Variants in PTPRM observed in about 807,000 individuals in gnomAD.
The protein encoded by PTPRM is receptor-type tyrosine-protein phosphatase mu.
In PTPRM, 47 loss-of-function variants were observed where a neutral mutation model predicts 186.7. The ratio of observed to expected loss-of-function variants is 0.25; its 90% CI spans 0.20 to 0.32. The LOEUF (loss-of-function observed/expected upper bound fraction) is 0.32. Among genes scored for constraint, PTPRM ranks in the 10% least tolerant of loss-of-function variants. The probability of loss-of-function intolerance (pLI) is 1.00; values close to 1 mark genes in which losing one functional copy is unlikely to be tolerated. For missense variants in PTPRM, 1,494 were observed against 1,865.0 expected (o/e 0.80, Z 3.66); for synonymous variants, 668 against 674.9 (o/e 0.99, Z 0.16).
At chr18:7,799,308 C>T (rs1398221470) in intron 2 of PTPRM, among the ~76,000 whole-genome samples, 1 of 152,154 alleles carries the variant, frequency 6.6e-6, no homozygotes. Context: ...ACAGAGCTTT[C>T]AGGGCCCAAT....
At chr18:7,828,820 T>G (rs79751466) in intron 2 of PTPRM, among the ~76,000 whole-genome samples, 1,780 of 152,272 alleles carry the variant, frequency 0.012, 29 homozygotes, top group African/African-American at 0.04. Flanking sequence ...TGCATATATT[T>G]AGTGTTCTTG....
chr18:7,772,361 T>TTCTTTCTTTCTTTC (rs1568108219), intron 1 of PTPRM, among the ~76,000 whole-genome samples: 15 of 49,020 alleles, frequency 3.1e-4, no homozygotes, highest in African/African-American at 8.2e-4. Context: ...CTTTCTTTCT[T>TTCTTTCTTTCTTTC]TCTTTCTTTC....
chr18:7,627,580 C>T (rs1020363575), intron 1 of PTPRM, among the ~76,000 whole-genome samples: 3 of 152,072 alleles, frequency 2.0e-5, no homozygotes, highest in Non-Finnish European at 4.4e-5. Context: ...CAGTAACCTG[C>T]GGTGAGGCTC....
At chr18:7,949,970 C>A (rs920980256) in intron 6 of PTPRM, among the ~76,000 whole-genome samples, 1 of 151,966 alleles carries the variant, frequency 6.6e-6, no homozygotes, top group Non-Finnish European at 1.5e-5. Context: ...TAGCATTAAG[C>A]CACCAAGACA....
intron 7 of PTPRM, among the ~76,000 whole-genome samples, chr18:8,007,068 C>A (rs2084232627): frequency 6.6e-6 from 1 of 152,172 alleles, no homozygotes; most frequent in Admixed American, 6.5e-5. Flanking sequence ...AGATAATTAT[C>A]CTTTGCATAG....
At chr18:7,669,099 C>G (rs2039160244) in intron 1 of PTPRM, among the ~76,000 whole-genome samples, 1 of 152,030 alleles carries the variant, frequency 6.6e-6, no homozygotes, top group Non-Finnish European at 1.5e-5. Flanking sequence ...GCTATGAATG[C>G]TCAATGACCA....
intron 13 of PTPRM, among the ~76,000 whole-genome samples, chr18:8,120,413 G>A (rs889006151): frequency 1.3e-5 from 2 of 151,272 alleles, no homozygotes; most frequent in African/African-American, 2.4e-5. Flanking sequence ...AGCTATTTTC[G>A]AGTAACTTTT....
At chr18:7,836,781 T>C (rs2145789972) in intron 2 of PTPRM, among the ~76,000 whole-genome samples, 1 of 152,352 alleles carries the variant, frequency 6.6e-6, no homozygotes, top group East Asian at 1.9e-4. Context: ...GATAAAAGTT[T>C]TTTTTCCTTC....
At chr18:7,596,651 T>C (rs2037269022) in intron 1 of PTPRM, among the ~76,000 whole-genome samples, 1 of 152,154 alleles carries the variant, frequency 6.6e-6, no homozygotes, top group African/African-American at 2.4e-5. Context: ...CTGTCTGCAG[T>C]GTCAGGGATC....
chr18:8,056,006 T>TA (rs1600291095), intron 7 of PTPRM, among the ~76,000 whole-genome samples: 2 of 152,224 alleles, frequency 1.3e-5, no homozygotes, highest in South Asian at 2.1e-4. Flanking sequence ...CCTACGCAAT[T>TA]AAAAAAATTG....
intron 2 of PTPRM, among the ~76,000 whole-genome samples, chr18:7,885,955 G>A (rs1037189426): frequency 6.6e-6 from 1 of 152,168 alleles, no homozygotes; most frequent in Admixed American, 6.5e-5. Flanking sequence ...CAGGATGTGG[G>A]CAACACTTAT....
intron 7 of PTPRM, among the ~76,000 whole-genome samples, chr18:8,050,651 G>A (rs911653046): frequency 6.6e-6 from 1 of 152,158 alleles, no homozygotes; most frequent in Non-Finnish European, 1.5e-5. Flanking sequence ...CGTATATCAA[G>A]TAGAAAGTGT....
chr18:7,719,701 A>T (rs2040410988), intron 1 of PTPRM, among the ~76,000 whole-genome samples: 1 of 152,200 alleles, frequency 6.6e-6, no homozygotes, highest in Non-Finnish European at 1.5e-5. Flanking sequence ...CAAGGCAAGG[A>T]TCCCACTGTG....
At chr18:8,233,382 C>T (rs2094309829) in intron 14 of PTPRM, among the ~76,000 whole-genome samples, 1 of 152,150 alleles carries the variant, frequency 6.6e-6, no homozygotes, top group Non-Finnish European at 1.5e-5. Context: ...GTGGTGGTAT[C>T]TTGTTGTTCT....
intron 14 of PTPRM, among the ~76,000 whole-genome samples, chr18:8,160,544 G>T (rs144447899): frequency 6.6e-6 from 1 of 152,102 alleles, no homozygotes; most frequent in Non-Finnish European, 1.5e-5. Flanking sequence ...ATCCTCCTGC[G>T]TAAGCCTCCC....
intron 3 of PTPRM, 88 bp downstream of exon 3, chr18:7,888,465 G>A: frequency 7.1e-7 from 1 of 1,409,008 alleles, no homozygotes; most frequent in Non-Finnish European, 9.4e-7. Context: ...AATCAGAAAA[G>A]GTTGTTGTAT....
intron 7 of PTPRM, among the ~76,000 whole-genome samples, chr18:7,964,578 A>G (rs1456050696): frequency 2.0e-5 from 3 of 152,228 alleles, no homozygotes; most frequent in Non-Finnish European, 4.4e-5. Context: ...TGGCTCCCGA[A>G]TGAATCCTAA....
chr18:7,828,811 G>A (rs2045618231), intron 2 of PTPRM, among the ~76,000 whole-genome samples: 1 of 152,142 alleles, frequency 6.6e-6, no homozygotes, highest in African/African-American at 2.4e-5. Context: ...TACCTGTGCT[G>A]CATATATTTA....
At chr18:7,997,487 G>A (rs770179933) in intron 7 of PTPRM, among the ~76,000 whole-genome samples, 7 of 152,014 alleles carry the variant, frequency 4.6e-5, no homozygotes, top group Non-Finnish European at 1.5e-5. Flanking sequence ...AATATTTTTT[G>A]TTAAAATATT....
Sources: allele counts gnomAD v4.1 joint callset (sites outside exome capture counted in the v4.1 genomes callset), GRCh38; gene constraint gnomAD v4.1.1; transcripts MANE v1.5; gene names NCBI Gene and HGNC (gene_info 2026-07-23, HGNC 2026-07-21).